Variants in ADAMTS12 observed in about 807,000 individuals in gnomAD.
The protein encoded by ADAMTS12 is ADAM metallopeptidase with thrombospondin type 1 motif 12, also known as A disintegrin and metalloproteinase with thrombospondin motifs 12.
ADAMTS12 carries 118 observed loss-of-function variants against 167.8 expected under a neutral mutation model. The ratio of observed to expected loss-of-function variants is 0.70; its 90% confidence interval spans 0.61 to 0.82. The LOEUF (loss-of-function observed/expected upper bound fraction) is 0.82, where lower values mean the gene tolerates loss of function less well. ADAMTS12 is among the 40% of genes least tolerant of loss of function. The probability of loss-of-function intolerance (pLI) is 0.00; values close to 1 mark genes in which losing one functional copy is unlikely to be tolerated. For synonymous variants in ADAMTS12, 704 were observed against 716.9 expected, an observed-to-expected ratio of 0.98 and a Z score of 0.29; for missense variants, 1,916 against 1,998.8, an observed-to-expected ratio of 0.96 and a Z score of 0.79.
intron 22 of ADAMTS12, among the ~76,000 whole-genome samples, chr5:33,542,342 C>CCTTAGAGACCTACAAAGAGACTTAGA (rs1561112424): frequency 6.6e-6 from 1 of 152,066 alleles, no homozygotes; most frequent in Non-Finnish European, 1.5e-5. Flanking sequence ...TAAAGCAAGT[C>CCTTAGAGACCTACAAAGAGACTTAGA]CTTAGAGACC....
intron 20 of ADAMTS12, among the ~76,000 whole-genome samples, chr5:33,553,025 A>ACAAAAAT (rs1205206534): frequency 6.6e-6 from 1 of 152,190 alleles, no homozygotes; most frequent in Non-Finnish European, 1.5e-5. Context: ...AAAACAAAAA[A>ACAAAAAT]CAAACAACCA....
intron 3 of ADAMTS12, among the ~76,000 whole-genome samples, chr5:33,733,350 T>A (rs997036914): frequency 2.0e-5 from 3 of 152,228 alleles, no homozygotes; most frequent in Non-Finnish European, 4.4e-5. Flanking sequence ...GAACACAGAA[T>A]CTGTAGTGAC....
intron 2 of ADAMTS12, among the ~76,000 whole-genome samples, chr5:33,812,395 C>T (rs934701671): frequency 1.3e-5 from 2 of 152,126 alleles, no homozygotes; most frequent in Non-Finnish European, 2.9e-5. Flanking sequence ...ATGAATATAT[C>T]GAAAAATGAA....
At chr5:33,839,375 G>A (rs1053868685) in intron 2 of ADAMTS12, among the ~76,000 whole-genome samples, 12 of 152,158 alleles carry the variant, frequency 7.9e-5, no homozygotes, top group East Asian at 5.8e-4. Flanking sequence ...AGGTTTAACC[G>A]TATTTTAGAC....
intron 16 of ADAMTS12, among the ~76,000 whole-genome samples, chr5:33,607,291 TG>T (rs1296973309): frequency 1.3e-5 from 2 of 151,988 alleles, no homozygotes; most frequent in East Asian, 3.8e-4. Context: ...GAGATAAAAA[TG>T]TTCTCATTAC....
chr5:33,703,479 T>C (rs1182128722), intron 3 of ADAMTS12, among the ~76,000 whole-genome samples: 1 of 152,144 alleles, frequency 6.6e-6, no homozygotes, highest in Non-Finnish European at 1.5e-5. Context: ...TCATAGGCCC[T>C]ATATTGTACA....
chr5:33,789,913 G>A (rs1375336410), intron 2 of ADAMTS12, among the ~76,000 whole-genome samples: 1 of 151,946 alleles, frequency 6.6e-6, no homozygotes, highest in East Asian at 1.9e-4. Context: ...AGTGTTGATT[G>A]CCAAAGTATC....
intron 23 of ADAMTS12, among the ~76,000 whole-genome samples, chr5:33,529,912 C>G (rs1340300778): frequency 6.6e-6 from 1 of 152,070 alleles, no homozygotes; most frequent in Non-Finnish European, 1.5e-5. Context: ...TTGGGAGTTT[C>G]AGAGAGAGAG....
intron 16 of ADAMTS12, among the ~76,000 whole-genome samples, chr5:33,603,199 A>G (rs546998941): frequency 1.3e-5 from 2 of 152,328 alleles, no homozygotes; most frequent in Admixed American, 1.3e-4. Context: ...AGACGCTATT[A>G]TGACTGACAG....
chr5:33,613,141 C>T (rs1475210023), intron 16 of ADAMTS12, among the ~76,000 whole-genome samples: 1 of 152,162 alleles, frequency 6.6e-6, no homozygotes. Flanking sequence ...TTTGCTACAT[C>T]ACCAATTCTG....
In ADAMTS12 at chr5:33,779,501, G is replaced by A. The variant is rs375020290; in HGVS notation, c.490-27953C>T. On this transcript the variant is annotated intron_variant, in intron 2 of 23. Coordinates refer to ENST00000504830, the MANE Select transcript of ADAMTS12 (RefSeq NM_030955.4). ...GCATTTGGCCTGAAATTGCTGTCTT[G>A]AAGAGATGTCTGAACTCCTATGCTC... Among the ~76,000 whole-genome samples the A allele has an allele frequency of 8.9e-4, 135 of 152,164 alleles. 3 individuals carry two copies. The South Asian group carries it at 0.019, about 22-fold the overall frequency.
chr5:33,554,939 T>A (rs1227469662), intron 20 of ADAMTS12, among the ~76,000 whole-genome samples: 1 of 152,170 alleles, frequency 6.6e-6, no homozygotes, highest in Non-Finnish European at 1.5e-5. Flanking sequence ...AAAGGCAACG[T>A]TGCCTATGTG....
chr5:33,593,968 C>G lies in ADAMTS12; in HGVS notation c.2654+1966G>C, dbSNP rs532633319. On this transcript the variant is annotated intron_variant, in intron 17 of 23. Transcript: ENST00000504830. ...GTAATACCCATACCCTGTCTTATGA[C>G]TATTTCATAAATATTTGTAGAAGCT... 1.1e-3 allele frequency among the ~76,000 whole-genome samples: 167 copies of G among 152,286 alleles called. 1 individual carries two copies. The highest frequency in any genetic ancestry group is 2.2e-3 in the Non-Finnish European group (150 of 68,024).
At position 33,576,838 on chromosome 5, in the gene ADAMTS12, C is replaced by T. The variant is rs200898724; in HGVS notation, c.3188G>A (p.Gly1063Asp). 7.2e-5 allele frequency: 116 copies of T among 1,614,064 alleles called. No individual in the cohort carries two copies. The highest frequency in any genetic ancestry group is 9.5e-5 in the Non-Finnish European group (112 of 1,180,036). The change falls in exon 19 of 24, where the codon GGT becomes GAT. Residue 1063 changes from glycine (G) to aspartate (D), a missense_variant. Gly to Asp is a moderately conservative substitution (Grantham distance 94). Coordinates refer to ENST00000504830, the MANE Select transcript of ADAMTS12 (RefSeq NM_030955.4). ...TGAGCTATCTTGCCACTGTTTCCCA[C>T]CCAGGTCTCCTTCTTTGGAGGCTGT... ...PTTASKEGDL[G>D]GKQWQDSSTQ...
chr5:33,613,098 C>G (rs1344353086), intron 16 of ADAMTS12, among the ~76,000 whole-genome samples: 3 of 152,168 alleles, frequency 2.0e-5, no homozygotes, highest in Non-Finnish European at 4.4e-5. Flanking sequence ...CCATGGTCTT[C>G]TGCTCCATTC....
chr5:33,602,820 C>T (rs183049120), intron 16 of ADAMTS12, among the ~76,000 whole-genome samples: 19 of 152,304 alleles, frequency 1.2e-4, no homozygotes, highest in Admixed American at 2.0e-4. Context: ...ATCTGCTCCA[C>T]GCTAATTTAT....
At chr5:33,734,719 C>T (rs1744311073) in intron 3 of ADAMTS12, among the ~76,000 whole-genome samples, 2 of 152,068 alleles carry the variant, frequency 1.3e-5, no homozygotes, top group Admixed American at 6.5e-5. Flanking sequence ...CACCAAAGGC[C>T]TGAGAGGAAG....
At chr5:33,640,526 A>C (rs1232287520) in intron 11 of ADAMTS12, among the ~76,000 whole-genome samples, 1 of 152,240 alleles carries the variant, frequency 6.6e-6, no homozygotes, top group Non-Finnish European at 1.5e-5. Flanking sequence ...GATCAAATGG[A>C]AACAAACGAT....
intron 14 of ADAMTS12, among the ~76,000 whole-genome samples, chr5:33,618,609 C>G (rs577212965): frequency 7.9e-5 from 12 of 152,310 alleles, no homozygotes; most frequent in East Asian, 5.8e-4. Context: ...GGACAGTCGT[C>G]TGGTCCTGGT....
Sources: gnomAD v4.1 joint callset for allele counts (sites outside exome capture counted in the v4.1 genomes callset) on GRCh38, gnomAD v4.1.1 for gene constraint, MANE v1.5 for transcripts, NCBI Gene and HGNC (gene_info 2026-07-23, HGNC 2026-07-21) for gene names.